Variants in MAGI2 observed in about 807,000 individuals in gnomAD.
The protein encoded by MAGI2 is membrane associated guanylate kinase, WW and PDZ domain containing 2.
In MAGI2, 35 loss-of-function variants were observed where a neutral mutation model predicts 133.3. That is an observed-to-expected ratio of 0.26 (90% confidence interval 0.20 to 0.35). MAGI2 has a LOEUF of 0.35. Among genes scored for constraint, MAGI2 ranks in the 10% least tolerant of loss-of-function variants. The pLI, the probability that MAGI2 is intolerant of heterozygous loss-of-function variation, is 1.00. For missense variants in MAGI2, 1,636 were observed against 1,863.4 expected, an observed-to-expected ratio of 0.88 and a Z score of 2.25; for synonymous variants, 729 against 710.6, an observed-to-expected ratio of 1.03 and a Z score of -0.41.
intron 1 of MAGI2, among the ~76,000 whole-genome samples, chr7:79,191,398 CTTTCTTTTTTTTTTT>C (rs1827645674): frequency 2.2e-5 from 1 of 45,514 alleles, no homozygotes; most frequent in African/African-American, 8.3e-5. Flanking sequence ...TTTTCTTTTT[CTTTCTTTTTTTTTTT>C]TTTTTTTTTT....
At chr7:78,401,968 C>G (rs540666652) in intron 6 of MAGI2, among the ~76,000 whole-genome samples, 23 of 151,890 alleles carry the variant, frequency 1.5e-4, no homozygotes, top group African/African-American at 5.1e-4. Flanking sequence ...CTTGTTGAGT[C>G]CTAAGTCCTA....
rs182872750 is a variant in MAGI2 at position 78,675,908 on chromosome 7, T to C, written c.419-48669A>G. Among the ~76,000 whole-genome samples the C allele has an allele frequency of 7.9e-5, 12 of 152,300 alleles. No individual in the cohort carries two copies. In the East Asian group the frequency reaches 1.9e-3, roughly 25 times the overall value. ...AACTAGTGTTCCATGCACACTGGCCTAGTTCCTTCTTTAAACAAGAGATTA... is the reference window on the plus strand; with the variant it reads ...AACTAGTGTTCCATGCACACTGGCCCAGTTCCTTCTTTAAACAAGAGATTA... On this transcript the variant is annotated intron_variant, in intron 2 of 21. Coordinates refer to ENST00000354212, the MANE Select transcript of MAGI2 (RefSeq NM_012301.4).
intron 6 of MAGI2, among the ~76,000 whole-genome samples, chr7:78,379,425 G>T (rs899678933): frequency 1.3e-5 from 2 of 151,938 alleles, no homozygotes; most frequent in African/African-American, 4.8e-5. Context: ...TTAGATGGAA[G>T]AATTCAAGTC....
At chr7:79,225,087 C>T (rs1187605690) in intron 1 of MAGI2, among the ~76,000 whole-genome samples, 1 of 152,128 alleles carries the variant, frequency 6.6e-6, no homozygotes, top group African/African-American at 2.4e-5. Flanking sequence ...ACCTTTAAGA[C>T]CTCAACCTTA....
intron 1 of MAGI2, among the ~76,000 whole-genome samples, chr7:79,113,276 C>G (rs763877913): frequency 6.6e-6 from 1 of 152,212 alleles, no homozygotes; most frequent in Non-Finnish European, 1.5e-5. Flanking sequence ...GAGTCTCCAA[C>G]AGTGGCAGTG....
In MAGI2 at chr7:78,722,732, A is replaced by G. The variant is rs78067996; in HGVS notation, c.419-95493T>C. Among the ~76,000 whole-genome samples, 1,422 of 152,208 alleles carry G rather than the reference A, an allele frequency of 9.3e-3. 16 individuals are homozygous for G. Among genetic ancestry groups the G allele is most frequent in the African/African-American group, 0.033 (1,364 of 41,552 alleles). Reference sequence around the variant, plus strand: ...AACAACCTCTGTTAAATAATTTAACATGAATGATATTAAGGACAATTAAAT... The same window carrying G: ...AACAACCTCTGTTAAATAATTTAACGTGAATGATATTAAGGACAATTAAAT... On this transcript the variant is annotated intron_variant, in intron 2 of 21. Coordinates refer to ENST00000354212, the MANE Select transcript of MAGI2 (RefSeq NM_012301.4).
chr7:78,904,525 CT>C (rs10665131), intron 2 of MAGI2, among the ~76,000 whole-genome samples: 4,392 of 134,730 alleles, frequency 0.033, 175 homozygotes, highest in African/African-American at 0.11. Context: ...TAACGCAGTT[CT>C]TTTTTTTTTT....
chr7:78,759,053 C>T (rs1824230582), intron 2 of MAGI2, among the ~76,000 whole-genome samples: 1 of 152,118 alleles, frequency 6.6e-6, no homozygotes, highest in Non-Finnish European at 1.5e-5. Context: ...TTAAGGCACT[C>T]ATCCACAAAG....
intron 2 of MAGI2, among the ~76,000 whole-genome samples, chr7:78,931,233 G>C (rs1010529771): frequency 6.6e-6 from 1 of 152,100 alleles, no homozygotes; most frequent in South Asian, 2.1e-4. Flanking sequence ...ACTGATTGTG[G>C]ATTTTCACTG....
At chr7:78,472,935 A>G (rs1027116538) in intron 6 of MAGI2, among the ~76,000 whole-genome samples, 2 of 152,088 alleles carry the variant, frequency 1.3e-5, no homozygotes, top group African/African-American at 4.8e-5. Context: ...AGTATAGGGG[A>G]AAGGTCACCA....
chr7:78,831,738 T>C (rs1791175154), intron 2 of MAGI2, among the ~76,000 whole-genome samples: 2 of 152,218 alleles, frequency 1.3e-5, no homozygotes, highest in South Asian at 4.1e-4. Flanking sequence ...TAAATAAAGT[T>C]ACATATCTTT....
chr7:78,527,751 T>A (rs1797102637), intron 3 of MAGI2, among the ~76,000 whole-genome samples: 3 of 152,200 alleles, frequency 2.0e-5, no homozygotes, highest in Admixed American at 1.3e-4. Flanking sequence ...TGGAAACATA[T>A]AATTTGTTAT....
intron 10 of MAGI2, among the ~76,000 whole-genome samples, chr7:78,224,420 C>G (rs939908922): frequency 2.6e-5 from 4 of 152,080 alleles, no homozygotes; most frequent in African/African-American, 7.2e-5. Flanking sequence ...AATCCCAGCA[C>G]TTTGGGAGGC....
intron 9 of MAGI2, among the ~76,000 whole-genome samples, chr7:78,281,434 G>A (rs192858693): frequency 6.6e-5 from 10 of 151,772 alleles, no homozygotes; most frequent in South Asian, 2.1e-4. Context: ...ACTCTTCCCC[G>A]CTTCACTGAG....
chr7:78,621,030 T>C (rs1277966297), intron 3 of MAGI2, among the ~76,000 whole-genome samples: 1 of 151,932 alleles, frequency 6.6e-6, no homozygotes, highest in Non-Finnish European at 1.5e-5. Context: ...AAATCACGAA[T>C]GTAAAATCAC....
intron 10 of MAGI2, chr7:78,253,779 C>T (rs1490949349): frequency 6.6e-6 from 1 of 152,088 alleles, no homozygotes; most frequent in Non-Finnish European, 1.5e-5. Flanking sequence ...AAATTAAAAA[C>T]TCTAGTAAAT....
At chr7:79,157,293 C>T (rs1000002918) in intron 1 of MAGI2, among the ~76,000 whole-genome samples, 2 of 151,986 alleles carry the variant, frequency 1.3e-5, no homozygotes, top group African/African-American at 2.4e-5. Context: ...GGGGGATTGA[C>T]ACCTCACAAC....
chr7:78,271,146 A>G (rs1306749243), intron 9 of MAGI2, among the ~76,000 whole-genome samples: 1 of 152,138 alleles, frequency 6.6e-6, no homozygotes, highest in Non-Finnish European at 1.5e-5. Flanking sequence ...TGTTCCATCA[A>G]TACCTAGTTT....
chr7:78,743,889 A>G (rs1822667765), intron 2 of MAGI2, among the ~76,000 whole-genome samples: 1 of 152,150 alleles, frequency 6.6e-6, no homozygotes, highest in East Asian at 1.9e-4. Context: ...CTTCTGTCTG[A>G]AAAGTCTAAC....
Sources: allele counts gnomAD v4.1 joint callset (sites outside exome capture counted in the v4.1 genomes callset), GRCh38; gene constraint gnomAD v4.1.1; transcripts MANE v1.5; gene names NCBI Gene and HGNC (gene_info 2026-07-23, HGNC 2026-07-21).